GLIS3: variants seen among roughly 807,000 people sequenced by gnomAD.
GLIS3 encodes the protein zinc finger protein GLIS3.
In GLIS3, 53 loss-of-function variants were observed where a neutral mutation model predicts 78.6. That is an observed-to-expected ratio of 0.67 (90% CI 0.54 to 0.85). The LOEUF is 0.85. Among genes scored for constraint, GLIS3 ranks in the 40% least tolerant of loss-of-function variants. The pLI, the probability that GLIS3 is intolerant of heterozygous loss-of-function variation, is 0.00. For synonymous variants in GLIS3, 684 were observed against 509.9 expected (o/e 1.34, Z -4.60); for missense variants, 1,703 against 1,231.1 (o/e 1.38, Z -5.74).
intron 4 of GLIS3, among the ~76,000 whole-genome samples, chr9:4,028,710 T>C (rs1823559676): frequency 6.6e-6 from 1 of 152,070 alleles, no homozygotes; most frequent in Non-Finnish European, 1.5e-5. Context: ...TGCTTTTGAA[T>C]TGAGTAAGAT....
intron 2 of GLIS3, among the ~76,000 whole-genome samples, chr9:4,224,796 T>C (rs941321622): frequency 3.8e-4 from 57 of 151,918 alleles, no homozygotes; most frequent in African/African-American, 1.3e-3. Flanking sequence ...TTCAAGCTAT[T>C]TTCATTTACT....
intron 7 of GLIS3, among the ~76,000 whole-genome samples, chr9:3,883,686 C>T (rs769028212): frequency 5.9e-5 from 9 of 152,278 alleles, no homozygotes; most frequent in South Asian, 4.1e-4. Context: ...ACAGGAGCAG[C>T]CTTCATTGTC....
At chr9:4,304,959 C>A (rs956779816), upstream of GLIS3, among the ~76,000 whole-genome samples, 1 of 152,184 alleles carries the variant, frequency 6.6e-6, no homozygotes, top group Non-Finnish European at 1.5e-5. Flanking sequence ...CAATTGCCCC[C>A]AAAGCAGACC....
chr9:4,072,375 C>G (rs747599382), intron 4 of GLIS3, among the ~76,000 whole-genome samples: 10 of 152,154 alleles, frequency 6.6e-5, no homozygotes, highest in Admixed American at 6.6e-4. Flanking sequence ...TTGACAAGTC[C>G]AAAGCATACA....
the GLIS3 span, among the ~76,000 whole-genome samples, chr9:4,361,895 T>C: frequency 6.6e-6 from 1 of 152,238 alleles, no homozygotes; most frequent in Non-Finnish European, 1.5e-5. Context: ...GAAGTTTGTA[T>C]GTTGTTTTTG....
At chr9:4,284,904 G>C (rs536066939) in intron 2 of GLIS3, among the ~76,000 whole-genome samples, 1 of 152,206 alleles carries the variant, frequency 6.6e-6, no homozygotes, top group Non-Finnish European at 1.5e-5. Flanking sequence ...GGGTGACAAA[G>C]TGATACCCCG....
At chr9:4,359,176 C>T in the GLIS3 span, among the ~76,000 whole-genome samples, 1 of 152,164 alleles carries the variant, frequency 6.6e-6, no homozygotes, top group Non-Finnish European at 1.5e-5. Flanking sequence ...ATGTCCCACA[C>T]CCTAAACGTT....
At chr9:4,353,727 C>T in the GLIS3 span, among the ~76,000 whole-genome samples, 254 of 152,278 alleles carry the variant, frequency 1.7e-3, no homozygotes, top group African/African-American at 5.6e-3. Context: ...AGTCCTCCGT[C>T]GTTTTTCTGG....
At chr9:3,974,028 C>A (rs747050257) in intron 4 of GLIS3, among the ~76,000 whole-genome samples, 2 of 152,096 alleles carry the variant, frequency 1.3e-5, no homozygotes, top group African/African-American at 2.4e-5. Context: ...CCTGTAAGTG[C>A]GAAAAATAAA....
chr9:4,039,557 T>C (rs1824626095), intron 4 of GLIS3, among the ~76,000 whole-genome samples: 1 of 152,154 alleles, frequency 6.6e-6, no homozygotes, highest in Admixed American at 6.5e-5. Flanking sequence ...CCACCTCATC[T>C]AACTCCCTCA....
At chr9:4,180,245 C>T (rs980131787) in intron 2 of GLIS3, among the ~76,000 whole-genome samples, 10 of 152,118 alleles carry the variant, frequency 6.6e-5, no homozygotes, top group African/African-American at 2.4e-4. Context: ...GACAGTTTCC[C>T]ACCGGCATGA....
chr9:4,330,445 T>C (rs1387153645), intron 2 of GLIS3, among the ~76,000 whole-genome samples: 1 of 152,230 alleles, frequency 6.6e-6, no homozygotes, highest in Admixed American at 6.5e-5. Flanking sequence ...GTGTAGTGTT[T>C]AGGCTTTGAT....
chr9:4,390,289 A>G, the GLIS3 span, among the ~76,000 whole-genome samples: 1 of 152,254 alleles, frequency 6.6e-6, no homozygotes, highest in Non-Finnish European at 1.5e-5. Context: ...ACTTTGCACT[A>G]TGTGCAGGAA....
intron 2 of GLIS3, among the ~76,000 whole-genome samples, chr9:4,254,905 C>T (rs1824770664): frequency 1.3e-5 from 2 of 150,342 alleles, no homozygotes; most frequent in South Asian, 4.2e-4. Context: ...GGAATAAAGA[C>T]AGAAGCCACA....
the GLIS3 span, among the ~76,000 whole-genome samples, chr9:4,456,157 C>T: frequency 2.6e-5 from 4 of 152,058 alleles, no homozygotes; most frequent in Admixed American, 6.5e-5. Flanking sequence ...ATTGTGCATG[C>T]GATAGCATTA....
At chr9:4,328,013 C>T (rs916026860) in intron 2 of GLIS3, among the ~76,000 whole-genome samples, 3 of 152,168 alleles carry the variant, frequency 2.0e-5, no homozygotes, top group Non-Finnish European at 4.4e-5. Flanking sequence ...TGACTCATGT[C>T]GAATGCATGT....
intron 2 of GLIS3, among the ~76,000 whole-genome samples, chr9:4,319,983 T>TTGTGTGTG (rs58794068): frequency 1.2e-3 from 172 of 145,174 alleles, no homozygotes; most frequent in Non-Finnish European, 2.1e-3. Context: ...GTAGAGGGGG[T>TTGTGTGTG]TGTGTGTGTG....
intron 2 of GLIS3, among the ~76,000 whole-genome samples, chr9:4,318,307 G>A (rs150443377): frequency 6.6e-6 from 1 of 152,170 alleles, no homozygotes; most frequent in Non-Finnish European, 1.5e-5. Context: ...TTCACTGAAA[G>A]CACCTAGAAT....
intron 6 of GLIS3, among the ~76,000 whole-genome samples, chr9:3,904,617 G>A (rs1159448332): frequency 2.0e-5 from 3 of 152,130 alleles, no homozygotes; most frequent in Non-Finnish European, 4.4e-5. Context: ...AAAGCATCGT[G>A]CGGTTGAATC....
Sources: allele counts gnomAD v4.1 joint callset (sites outside exome capture counted in the v4.1 genomes callset), GRCh38; gene constraint gnomAD v4.1.1; transcripts MANE v1.5; gene names NCBI Gene and HGNC (gene_info 2026-07-23, HGNC 2026-07-21).